Variants in DNM3 observed in about 807,000 individuals in gnomAD.
The protein encoded by DNM3 is dynamin-3.
Under a neutral mutation model 101.6 loss-of-function variants are expected in DNM3, and 47 were observed. The observed-to-expected ratio is 0.46, with a 90% confidence interval of 0.37 to 0.59. The LOEUF is 0.59. Ranked by LOEUF, DNM3 falls within the 20% of genes least tolerant of loss-of-function variation. The probability of loss-of-function intolerance (pLI) is 0.00; values close to 1 mark genes in which losing one functional copy is unlikely to be tolerated. For synonymous variants in DNM3, 385 were observed against 387.9 expected (o/e 0.99, Z 0.09); for missense variants, 849 against 1,085.7 (o/e 0.78, Z 3.06).
chr1:172,315,709 A>G (rs2065307340), intron 16 of DNM3, among the ~76,000 whole-genome samples: 1 of 152,190 alleles, frequency 6.6e-6, no homozygotes, highest in Non-Finnish European at 1.5e-5. Context: ...AAAGAAACGA[A>G]CAAAGCCTCC....
intron 13 of DNM3, among the ~76,000 whole-genome samples, chr1:172,094,896 G>T (rs1204208905): frequency 2.6e-5 from 4 of 152,174 alleles, no homozygotes; most frequent in Non-Finnish European, 5.9e-5. Context: ...GCATCGCTTA[G>T]CTCACAGAAG....
intron 14 of DNM3, among the ~76,000 whole-genome samples, chr1:172,218,110 G>A (rs912299): frequency 0.39 from 59,820 of 151,882 alleles, 12,073 homozygotes; most frequent in Middle Eastern, 0.54. Flanking sequence ...TTCATTTGTG[G>A]AATTTAATTC....
At chr1:172,148,049 A>C (rs1226166435) in intron 14 of DNM3, among the ~76,000 whole-genome samples, 1 of 152,126 alleles carries the variant, frequency 6.6e-6, no homozygotes, top group Non-Finnish European at 1.5e-5. Flanking sequence ...ATTTCATCAG[A>C]GTCCACAAAT....
rs556703630 is a variant in DNM3, at chr1:172,091,749, G to T, written c.1494-1075G>T. 7.2e-5 allele frequency among the ~76,000 whole-genome samples: 11 copies of T among 152,192 alleles called. No individual in the cohort carries two copies. The South Asian group carries it at 2.1e-3, about 29-fold the overall frequency. ...TGGTGTTGATGCAGTACACGGTTTC[G>T]AGCAGAAGAGTTAACATAGTCCTTC... On this transcript the variant is annotated intron_variant, in intron 12 of 20. Coordinates refer to ENST00000627582, the MANE Select transcript of DNM3 (RefSeq NM_015569.5).
chr1:172,331,861 T>C (rs1169807777), intron 17 of DNM3, among the ~76,000 whole-genome samples: 1 of 152,156 alleles, frequency 6.6e-6, no homozygotes, highest in East Asian at 1.9e-4. Flanking sequence ...AAGTGGTGTT[T>C]AGGTGGAAAG....
At chr1:172,247,833 C>T (rs1184813137) in intron 14 of DNM3, among the ~76,000 whole-genome samples, 6 of 151,786 alleles carry the variant, frequency 4.0e-5, no homozygotes, top group Admixed American at 3.3e-4. Context: ...TACAGGCATC[C>T]ACCACCACAC....
At position 172,249,157 on chromosome 1, in the gene DNM3, A is replaced by T. The variant is rs1050124161; in HGVS notation, c.1660-4416A>T. Among the ~76,000 whole-genome samples the T allele has an allele frequency of 2.0e-5, 3 of 152,164 alleles. No homozygotes were observed. The South Asian group carries it at 6.2e-4, about 32-fold the overall frequency. ...CACACCTGATCCTCTGCTCATACCC[A>T]TTGTATCTCCTTCTAGTGCCTAAGT... On this transcript the variant is annotated intron_variant, in intron 14 of 20. Transcript: ENST00000627582.
At chr1:171,875,453 TTAAGA>T (rs769292096) in intron 1 of DNM3, among the ~76,000 whole-genome samples, 1 of 152,246 alleles carries the variant, frequency 6.6e-6, no homozygotes, top group African/African-American at 2.4e-5. Context: ...CTTTGTCTTT[TTAAGA>T]TGAGTTGGAA....
intron 14 of DNM3, among the ~76,000 whole-genome samples, chr1:172,204,124 C>T (rs2060247504): frequency 6.6e-6 from 1 of 152,068 alleles, no homozygotes; most frequent in Non-Finnish European, 1.5e-5. Context: ...AGGTGTGCTA[C>T]TTTTCTTCTG....
At chr1:172,302,100 A>C (rs1370424148) in intron 15 of DNM3, among the ~76,000 whole-genome samples, 1 of 152,154 alleles carries the variant, frequency 6.6e-6, no homozygotes, top group African/African-American at 2.4e-5. Context: ...GGGGTTGGGG[A>C]ATTTCCCTTT....
At chr1:172,315,166 C>A (rs191468403) in intron 16 of DNM3, among the ~76,000 whole-genome samples, 2,174 of 152,274 alleles carry the variant, frequency 0.014, 50 homozygotes, top group African/African-American at 0.05. Flanking sequence ...TCCAACAGAC[C>A]TGCAGCTGAG....
At chr1:172,193,803 A>G (rs1250920514) in intron 14 of DNM3, among the ~76,000 whole-genome samples, 1 of 152,022 alleles carries the variant, frequency 6.6e-6, no homozygotes, top group Non-Finnish European at 1.5e-5. Flanking sequence ...AATCTTTTCA[A>G]AAAACCAGCT....
chr1:172,030,844 A>G (rs1236637888), intron 4 of DNM3, among the ~76,000 whole-genome samples: 2 of 152,252 alleles, frequency 1.3e-5, no homozygotes. Flanking sequence ...AATCAAAACC[A>G]CAATGAGATA....
At chr1:172,051,807 T>G (rs2050224113) in intron 10 of DNM3, among the ~76,000 whole-genome samples, 1 of 152,112 alleles carries the variant, frequency 6.6e-6, no homozygotes, top group South Asian at 2.1e-4. Flanking sequence ...CATCATTAGT[T>G]TTTTTATCTA....
intron 20 of DNM3, chr1:172,418,174 T>C: frequency 1.1e-6 from 1 of 896,026 alleles, no homozygotes; most frequent in Non-Finnish European, 1.5e-6. Flanking sequence ...GAGCTATTTT[T>C]GCATGCTATT....
chr1:172,108,024 T>G (rs1413059326), intron 13 of DNM3, among the ~76,000 whole-genome samples: 1 of 151,892 alleles, frequency 6.6e-6, no homozygotes, highest in East Asian at 1.9e-4. Context: ...AACCTTCTGG[T>G]CTCCATTCTC....
At chr1:172,333,976 G>A (rs541211822) in intron 17 of DNM3, among the ~76,000 whole-genome samples, 1 of 152,072 alleles carries the variant, frequency 6.6e-6, no homozygotes, top group Admixed American at 6.6e-5. Flanking sequence ...TATCACAAGG[G>A]CTTTAAAGAG....
intron 6 of DNM3, among the ~76,000 whole-genome samples, chr1:172,033,740 C>T (rs1258405228): frequency 1.3e-5 from 2 of 152,062 alleles, no homozygotes; most frequent in African/African-American, 4.8e-5. Flanking sequence ...ATTAAATAAT[C>T]ATTGATTTCC....
intron 2 of DNM3, among the ~76,000 whole-genome samples, chr1:171,961,969 G>A (rs2043242157): frequency 6.6e-6 from 1 of 152,138 alleles, no homozygotes; most frequent in Admixed American, 6.6e-5. Context: ...TAAGATCAAG[G>A]GATTGCATCT....
Sources: allele counts gnomAD v4.1 joint callset (sites outside exome capture counted in the v4.1 genomes callset), GRCh38; gene constraint gnomAD v4.1.1; transcripts MANE v1.5; gene names NCBI Gene and HGNC (gene_info 2026-07-23, HGNC 2026-07-21).